SEPTIN6: variants seen among roughly 807,000 people sequenced by gnomAD.
SEPTIN6 encodes septin-6.
In SEPTIN6, 8 loss-of-function variants were observed where a neutral mutation model predicts 33.6. The observed-to-expected ratio is 0.24, with a 90% CI of 0.14 to 0.43. The LOEUF (loss-of-function observed/expected upper bound fraction) is 0.43. SEPTIN6 is among the 20% of genes least tolerant of loss of function. The pLI, the probability that SEPTIN6 is intolerant of heterozygous loss-of-function variation, is 1.00. For synonymous variants in SEPTIN6, 131 were observed against 140.0 expected, an observed-to-expected ratio of 0.94 and a Z score of 0.45; for missense variants, 250 against 340.8, an observed-to-expected ratio of 0.73 and a Z score of 2.10.
intron 3 of SEPTIN6, among the ~76,000 whole-genome samples, chrX:119,656,190 G>A (rs969696783): frequency 6.3e-5 from 7 of 111,829 alleles, no homozygotes; most frequent in African/African-American, 1.6e-4. Context: ...GATTGCTAAC[G>A]GGGCCAATGG....
chrX:119,667,864 T>C (rs943193164), intron 2 of SEPTIN6, among the ~76,000 whole-genome samples: 1 of 111,325 alleles, frequency 9.0e-6, no homozygotes, highest in Admixed American at 9.6e-5. Context: ...CTCCTCCAAG[T>C]GGATAGTAAG....
chrX:119,652,696 C>T lies in SEPTIN6; in HGVS notation c.528+158G>A, dbSNP rs565586642. On this transcript the variant is annotated intron_variant, in intron 4 of 10. Coordinates refer to ENST00000394610, the MANE Select transcript of SEPTIN6 (RefSeq NM_145799.4). ...CTGGGAAAACAGATCACAAAGCTTA[C>T]GACGCTGGTGCTGGATCCGTAACAC... Among the ~76,000 whole-genome samples, 5 of 111,025 alleles carry T rather than the reference C, an allele frequency of 4.5e-5. No individual in the cohort carries two copies. In the East Asian group the frequency reaches 8.6e-4, roughly 19 times the overall value.
intron 10 of SEPTIN6, among the ~76,000 whole-genome samples, chrX:119,622,991 C>T (rs772278245): frequency 5.4e-5 from 6 of 112,113 alleles, no homozygotes; most frequent in African/African-American, 1.9e-4. Flanking sequence ...AAGATTGTTT[C>T]CTTTGGCCCG....
chrX:119,668,807 T>C (rs778127096), intron 2 of SEPTIN6, among the ~76,000 whole-genome samples: 1 of 111,486 alleles, frequency 9.0e-6, no homozygotes, highest in Admixed American at 9.6e-5. Flanking sequence ...TTTCCATAGG[T>C]TTTTGGGGAC....
chrX:119,676,716 C>T (rs989066096), intron 1 of SEPTIN6, among the ~76,000 whole-genome samples: 1 of 111,058 alleles, frequency 9.0e-6, no homozygotes, highest in Admixed American at 9.6e-5. Context: ...GGCTGCAGTG[C>T]GCTATGATGG....
chrX:119,658,563 G>C (rs940281111), intron 3 of SEPTIN6, among the ~76,000 whole-genome samples: 1 of 112,026 alleles, frequency 8.9e-6, no homozygotes, highest in Non-Finnish European at 1.9e-5. Context: ...TTAAAAGGTG[G>C]AACTGCTGGG....
Position 119,678,246 on chromosome X carries a change from C to T in SEPTIN6, c.31-2578G>A, listed in dbSNP as rs1434586118. On this transcript the variant is annotated intron_variant, in intron 1 of 10. Transcript: ENST00000394610. ...AGAGCAAGACACTGTCTCGGCCGGG[C>T]GCGGTGGCTCATGCCTGTAATCTCA... 4.6e-5 allele frequency among the ~76,000 whole-genome samples: 5 copies of T among 107,610 alleles called. 1 individual carries two copies. The highest frequency in any genetic ancestry group is 3.0e-4 in the Admixed American group (3 of 10,083). 93.4% of individuals were successfully genotyped at this position (107,610 alleles called of 115,157 possible).
Position 119,617,099 on chromosome X carries a change from C to CGTGTGTGTGTGTGT in SEPTIN6, c.*2980_*2993dup, listed in dbSNP as rs55820919. 3.9e-5 allele frequency: 27 copies of CGTGTGTGTGTGTGT among 692,422 alleles called. No homozygotes were observed. The East Asian group carries it at 1.1e-3, about 29-fold the overall frequency. The allele number at this position is 692,422 out of a possible 1,213,427, so 57.1% of individuals were successfully genotyped here. ...TTAAGAGAAGTGAGGGATGTGTGTA[C>CGTGTGTGTGTGTGT]GTGTGTGTGTGTGTGTGTGTGTGTG... On this transcript the variant is annotated 3_prime_UTR_variant, in exon 11 of 11. Coordinates refer to ENST00000394610, the MANE Select transcript of SEPTIN6 (RefSeq NM_145799.4).
chrX:119,637,103 G>A lies in SEPTIN6; in HGVS notation c.880C>T (p.His294Tyr), dbSNP rs1200794980. The A allele has an allele frequency of 8.3e-7, 1 of 1,211,214 alleles. No homozygotes were observed. Among genetic ancestry groups the A allele is most frequent in the Non-Finnish European group, 1.1e-6 (1 of 895,044 alleles). Residue 294 changes from histidine (H) to tyrosine (Y), a missense_variant, in exon 7 of 11, where the codon CAC becomes TAC. Physicochemically the swap from His to Tyr is moderately conservative, Grantham distance 83. Transcript: ENST00000394610. Reference protein sequence around the residue: ...EDLREQTHTRHYELYRRCKLE... With the variant: ...EDLREQTHTRYYELYRRCKLE... ...TTACAGCGGCGATACAGCTCATAGTGCCGGGTGTGGGTCTGCTCCCGCAGA... is the reference window on the plus strand; with the variant it reads ...TTACAGCGGCGATACAGCTCATAGTACCGGGTGTGGGTCTGCTCCCGCAGA...
At chrX:119,690,363 A>G (rs2055148072) in intron 1 of SEPTIN6, among the ~76,000 whole-genome samples, 2 of 108,179 alleles carry the variant, frequency 1.8e-5, no homozygotes, top group African/African-American at 6.8e-5. Context: ...ACACACACAC[A>G]CACACACACA....
intron 1 of SEPTIN6, among the ~76,000 whole-genome samples, chrX:119,689,923 G>C (rs2055133349): frequency 9.3e-6 from 1 of 107,988 alleles, no homozygotes; most frequent in South Asian, 4.0e-4. Flanking sequence ...TAGATACGGG[G>C]TTTCACCATG....
At chrX:119,645,616 C>T (rs2054242133) in intron 5 of SEPTIN6, among the ~76,000 whole-genome samples, 1 of 109,911 alleles carries the variant, frequency 9.1e-6, no homozygotes, top group South Asian at 3.9e-4. Context: ...AGGCTGGTCC[C>T]GAACTCCCGA....
intron 3 of SEPTIN6, among the ~76,000 whole-genome samples, chrX:119,661,751 T>C (rs764669681): frequency 9.0e-6 from 1 of 111,403 alleles, no homozygotes; most frequent in Non-Finnish European, 1.9e-5. Context: ...CTTTCTGTTT[T>C]GTTTTGAGAC....
intron 9 of SEPTIN6, among the ~76,000 whole-genome samples, chrX:119,628,426 G>A (rs183109407): frequency 0.014 from 1,491 of 107,179 alleles, 7 homozygotes; most frequent in Non-Finnish European, 0.02. Flanking sequence ...TTATAAGCGC[G>A]CGCCACCGCG....
At chrX:119,639,214 G>A (rs763780415) in intron 6 of SEPTIN6, among the ~76,000 whole-genome samples, 1 of 112,018 alleles carries the variant, frequency 8.9e-6, no homozygotes, top group East Asian at 2.8e-4. Context: ...ATGTGATGTG[G>A]ACAACTCGCC....
Position 119,617,945 on chromosome X carries a change from T to C in SEPTIN6, c.*2148A>G. 1.2e-6 allele frequency: 1 copy of C among 804,296 alleles called. No homozygotes were observed. The highest frequency in any genetic ancestry group is 1.5e-6 in the Non-Finnish European group (1 of 670,098). The allele number at this position is 804,296 out of a possible 1,213,427, so 66.3% of individuals were successfully genotyped here. ...CTTAACTAGTTAATCTGTACACAAA[T>C]GCAAATGAGGGCGCCTCCGGTTTGT... is the stretch of plus-strand genomic sequence containing the variant. On this transcript the variant is annotated 3_prime_UTR_variant, in exon 11 of 11. Transcript: ENST00000394610.
chrX:119,640,352 T>C (rs943818020), intron 6 of SEPTIN6, among the ~76,000 whole-genome samples: 3 of 110,905 alleles, frequency 2.7e-5, no homozygotes, highest in Non-Finnish European at 5.7e-5. Flanking sequence ...TCTGAATTGT[T>C]TGTAATTATT....
Position 119,693,127 on chromosome X carries a change from T to C in SEPTIN6, c.-22A>G. 1 of 1,166,677 alleles carries C rather than the reference T, an allele frequency of 8.6e-7. No individual in the cohort carries two copies. The highest frequency in any genetic ancestry group is 1.1e-6 in the Non-Finnish European group (1 of 872,098). On this transcript the variant is annotated 5_prime_UTR_variant, in exon 1 of 11. Transcript: ENST00000394610. ...CCATCGCTCCTGCGTCCGCCAGGGC[T>C]GCCACGGGTGCCGCCGCAACGGGAG...
At chrX:119,620,907 G>C (rs2053747508) in intron 10 of SEPTIN6, among the ~76,000 whole-genome samples, 1 of 110,754 alleles carries the variant, frequency 9.0e-6, no homozygotes, top group Non-Finnish European at 1.9e-5. Flanking sequence ...CTGGCGTGAG[G>C]CACTGAGCCC....
Sources: allele counts gnomAD v4.1 joint callset (sites outside exome capture counted in the v4.1 genomes callset), GRCh38; gene constraint gnomAD v4.1.1; transcripts MANE v1.5; gene names NCBI Gene and HGNC (gene_info 2026-07-23, HGNC 2026-07-21).